TXN2: variants seen among roughly 807,000 people sequenced by gnomAD.
The protein encoded by TXN2 is thioredoxin 2.
TXN2 carries 12 observed loss-of-function variants against 14.6 expected under a neutral mutation model. The ratio of observed to expected loss-of-function variants is 0.82; its 90% CI spans 0.53 to 1.33. TXN2 has a LOEUF of 1.33. Ranked by LOEUF, TXN2 falls within the 40% of genes most tolerant of loss-of-function variation. TXN2 has a pLI of 0.00. For missense variants in TXN2, 173 were observed against 207.7 expected (o/e 0.83, Z 1.03); for synonymous variants, 89 against 81.0 (o/e 1.10, Z -0.53).
chr22:36,477,920 T>C (rs191224269), intron 2 of TXN2, among the ~76,000 whole-genome samples: 2 of 152,090 alleles, frequency 1.3e-5, no homozygotes, highest in East Asian at 1.9e-4. Context: ...GCGGATCACC[T>C]GAGGTCAGGA....
At position 36,471,106 on chromosome 22, in the gene TXN2, AGGTGCC is replaced by A. The variant is rs563540803; in HGVS notation, c.388-3195_388-3190del. 2.6e-5 allele frequency among the ~76,000 whole-genome samples: 4 copies of A among 152,284 alleles called. No individual in the cohort carries two copies. In the East Asian group the frequency reaches 5.8e-4, roughly 22 times the overall value. The stretch of plus-strand genomic sequence containing the variant: ...TCCTGTGTCTGGCTCACACATCAGG[AGGTGCC>A]GGTGCCTGTAAACACTGCCTTACAT... On this transcript the variant is annotated intron_variant, in intron 3 of 3. Coordinates refer to ENST00000216185, the MANE Select transcript of TXN2 (RefSeq NM_012473.4).
rs1230753509 is a variant in TXN2, at chr22:36,467,187, A to G, written c.*617T>C. ...GCTCTCCAGGGTTCCCCAGCCCATC[A>G]ATCATTTTCTGCACCCCCTGCCTGG... On this transcript the variant is annotated 3_prime_UTR_variant, in exon 4 of 4. Transcript: ENST00000216185. 6.5e-6 allele frequency: 1 copy of G among 153,314 alleles called. No homozygotes were observed. The highest frequency in any genetic ancestry group is 2.4e-5 in the African/African-American group (1 of 41,416). The allele number at this position is 153,314 out of a possible 1,614,324, so 9.5% of individuals were successfully genotyped here. A position where few individuals can be genotyped will look rare whatever the true frequency, so the allele number is the denominator to read the frequency against.
intron 2 of TXN2, 58 bp downstream of exon 2, chr22:36,480,515 GCA>G (rs1933476831): frequency 1.3e-6 from 2 of 1,573,010 alleles, no homozygotes; most frequent in South Asian, 2.4e-5. Flanking sequence ...GACACAGCAG[GCA>G]TTCAATAAAT....
At chr22:36,480,902 T>A in intron 1 of TXN2, 65 bp from the exon 2 acceptor site, 1 of 1,501,058 alleles carries the variant, frequency 6.7e-7, no homozygotes, top group East Asian at 2.3e-5. Context: ...AGAAAAAGAT[T>A]TGGGGAGTAC....
At chr22:36,474,316 C>T (rs1377713721) in intron 3 of TXN2, among the ~76,000 whole-genome samples, 1 of 152,206 alleles carries the variant, frequency 6.6e-6, no homozygotes, top group Non-Finnish European at 1.5e-5. Flanking sequence ...TCCCCTGCTT[C>T]TGGTCATTGC....
intron 3 of TXN2, among the ~76,000 whole-genome samples, chr22:36,471,968 TAAAA>T (rs59924757): frequency 3.0e-5 from 3 of 100,186 alleles, no homozygotes; most frequent in Admixed American, 1.1e-4. Context: ...AGACCCCCTC[TAAAA>T]AAAAAAAAAA....
chr22:36,469,393 G>C (rs914685929), intron 3 of TXN2, among the ~76,000 whole-genome samples: 2 of 134,602 alleles, frequency 1.5e-5, no homozygotes, highest in Non-Finnish European at 1.8e-5. Context: ...GCTGTGATGA[G>C]TGACAGGGTC....
intron 3 of TXN2, among the ~76,000 whole-genome samples, chr22:36,471,748 C>T (rs1267749301): frequency 1.3e-5 from 2 of 152,096 alleles, no homozygotes; most frequent in East Asian, 3.9e-4. Context: ...GAAGGTGAAT[C>T]ATCTGAGGTC....
intron 3 of TXN2, among the ~76,000 whole-genome samples, chr22:36,474,579 G>A (rs929615927): frequency 3.9e-5 from 6 of 152,180 alleles, no homozygotes; most frequent in African/African-American, 1.4e-4. Flanking sequence ...CTCCGGCCAG[G>A]TTAAGATATT....
At position 36,467,807 on chromosome 22, in the gene TXN2, G is replaced by A. The variant is rs148340233; in HGVS notation, c.498C>T (p.Gly166=). The A allele has an allele frequency of 3.1e-6, 5 of 1,613,216 alleles. No homozygotes were observed. The highest frequency in any genetic ancestry group is 3.4e-6 in the Non-Finnish European group (4 of 1,179,672). ...AACCAGGACTCATCCCTGCTTGTCA[G>A]CCAATCAGCTTCTTCAGGAAGGCCT... ...QLEAFLKKLI[G] The change falls in exon 4 of 4, where the codon GGC becomes GGT. Residue 166 remains glycine (G), a synonymous_variant. Coordinates refer to ENST00000216185, the MANE Select transcript of TXN2 (RefSeq NM_012473.4).
chr22:36,467,416 A>G lies in TXN2; in HGVS notation c.*388T>C. 1 of 195,050 alleles carries G rather than the reference A, an allele frequency of 5.1e-6. No individual in the cohort carries two copies. Among genetic ancestry groups the G allele is most frequent in the East Asian group, 1.3e-4 (1 of 7,578 alleles). The allele number at this position is 195,050 out of a possible 1,614,324, so 12.1% of individuals were successfully genotyped here. A position where few individuals can be genotyped will look rare whatever the true frequency, so the allele number is the denominator to read the frequency against. ...TTTACAAAACAGCAGCTGGAAAGAG[A>G]AATGTAGGTGGCAGACGAGCCAGGC... On this transcript the variant is annotated 3_prime_UTR_variant, in exon 4 of 4. Coordinates refer to ENST00000216185, the MANE Select transcript of TXN2 (RefSeq NM_012473.4).
chr22:36,468,644 G>A (rs112490059), intron 3 of TXN2: 4 of 450,584 alleles, frequency 8.9e-6, no homozygotes, highest in South Asian at 6.3e-5. Flanking sequence ...AGGATCGCTT[G>A]AGCCTGGGAG....
intron 2 of TXN2, among the ~76,000 whole-genome samples, chr22:36,478,646 C>T (rs1933436927): frequency 6.6e-6 from 1 of 152,118 alleles, no homozygotes; most frequent in Admixed American, 6.6e-5. Flanking sequence ...ACACCGCACC[C>T]AGCCAGGCCT....
chr22:36,468,768 G>A (rs1454200429), intron 3 of TXN2: 5 of 388,398 alleles, frequency 1.3e-5, no homozygotes, highest in South Asian at 3.8e-5. Context: ...CAGGCTGGGC[G>A]CGGTGGCTCA....
rs66477776 is a variant in TXN2, at chr22:36,467,113, C to T, written c.*691G>A. 0.046 allele frequency: 6,980 copies of T among 153,382 alleles called. 352 individuals carry two copies. The highest frequency in any genetic ancestry group is 0.12 in the African/African-American group (5,176 of 41,538). 9.5% of individuals were successfully genotyped at this position (153,382 alleles called of 1,614,324 possible). A position where few individuals can be genotyped will look rare whatever the true frequency, so the allele number is the denominator to read the frequency against. ...TTCAGCCCCCTGCTCAGAAAACCAA[C>T]GGGCCAGCTAAGGAGAGGAGGAGGC... On this transcript the variant is annotated 3_prime_UTR_variant, in exon 4 of 4. Coordinates refer to ENST00000216185, the MANE Select transcript of TXN2 (RefSeq NM_012473.4).
chr22:36,472,086 A>G (rs1389097538), intron 3 of TXN2, among the ~76,000 whole-genome samples: 1 of 152,160 alleles, frequency 6.6e-6, no homozygotes, highest in East Asian at 1.9e-4. Flanking sequence ...ACATCTACTG[A>G]GTCCCAGCAG....
chr22:36,473,040 C>T (rs1174234197), intron 3 of TXN2, among the ~76,000 whole-genome samples: 1 of 152,138 alleles, frequency 6.6e-6, no homozygotes, highest in Non-Finnish European at 1.5e-5. Context: ...GGCGCGGTGG[C>T]TCATGCCTGT....
chr22:36,473,904 G>C (rs1238083737), intron 3 of TXN2, among the ~76,000 whole-genome samples: 1 of 152,230 alleles, frequency 6.6e-6, no homozygotes, highest in Non-Finnish European at 1.5e-5. Context: ...GGGCCTGTGG[G>C]CTTCTTTGCA....
intron 3 of TXN2, chr22:36,468,482 G>A (rs1933205175): frequency 5.2e-5 from 16 of 308,310 alleles, no homozygotes; most frequent in South Asian, 3.9e-4. Flanking sequence ...CCAGCCTTCT[G>A]GGAGACTGAG....
Sources: allele counts gnomAD v4.1 joint callset (sites outside exome capture counted in the v4.1 genomes callset), GRCh38; gene constraint gnomAD v4.1.1; transcripts MANE v1.5; gene names NCBI Gene and HGNC (gene_info 2026-07-23, HGNC 2026-07-21).